ALPL: variants seen among roughly 807,000 people sequenced by gnomAD.
ALPL encodes the protein alkaline phosphatase, tissue-nonspecific isozyme.
Under a neutral mutation model 51.3 loss-of-function variants are expected in ALPL, and 42 were observed. The observed-to-expected ratio is 0.82, with a 90% confidence interval of 0.64 to 1.06. The LOEUF (loss-of-function observed/expected upper bound fraction) is 1.06, where lower values mean the gene tolerates loss of function less well. ALPL is among the 50% of genes least tolerant of loss of function. The pLI, the probability that ALPL is intolerant of heterozygous loss-of-function variation, is 0.00. For synonymous variants in ALPL, 279 were observed against 296.4 expected, an observed-to-expected ratio of 0.94 and a Z score of 0.60; for missense variants, 589 against 709.4, an observed-to-expected ratio of 0.83 and a Z score of 1.93.
At position 21,533,912 on chromosome 1, in the gene ALPL, A is replaced by T. The variant is rs1164929441; in HGVS notation, c.-104-20066A>T. Among the ~76,000 whole-genome samples the T allele has an allele frequency of 3.4e-5, 4 of 116,028 alleles. No individual in the cohort carries two copies. In the East Asian group the frequency reaches 1.3e-3, roughly 37 times the overall value. The allele number at this position is 116,028 out of a possible 152,430, so 76.1% of individuals were successfully genotyped here. ...CACTCTGGCCTGGGTGACAAGAGTAAAACTCTTGTCTCAAAAAAAAAAAAA... is the reference window on the plus strand; with the variant it reads ...CACTCTGGCCTGGGTGACAAGAGTATAACTCTTGTCTCAAAAAAAAAAAAA... On this transcript the variant is annotated intron_variant, in intron 1 of 11. Transcript: ENST00000374840.
Position 21,577,828 on chromosome 1 carries a change from C to A in ALPL, c.*180C>A. The A allele has an allele frequency of 1.2e-6, 1 of 822,760 alleles. No individual in the cohort carries two copies. The highest frequency in any genetic ancestry group is 1.9e-6 in the Non-Finnish European group (1 of 538,710). The allele number at this position is 822,760 out of a possible 1,614,324, so 51.0% of individuals were successfully genotyped here. A position where few individuals can be genotyped will look rare whatever the true frequency, so the allele number is the denominator to read the frequency against. ...CCCCTCTGGAATCTTCCCCAAGGGC[C>A]AAACCCACTTCTGGCCTCCAGCCTT... is the stretch of plus-strand genomic sequence containing the variant. On this transcript the variant is annotated 3_prime_UTR_variant, in exon 12 of 12. Transcript: ENST00000374840.
intron 2 of ALPL, among the ~76,000 whole-genome samples, chr1:21,559,364 T>G (rs1644454744): frequency 6.6e-6 from 1 of 152,110 alleles, no homozygotes; most frequent in Admixed American, 6.5e-5. Flanking sequence ...GGAGGCAACT[T>G]TTGAGCCTCT....
chr1:21,531,995 T>C (rs903256604), intron 1 of ALPL, among the ~76,000 whole-genome samples: 9 of 151,950 alleles, frequency 5.9e-5, no homozygotes, highest in African/African-American at 2.2e-4. Context: ...TGTTCTGTTG[T>C]TACTTGGGAT....
At chr1:21,514,215 C>T (rs916698953) in intron 1 of ALPL, among the ~76,000 whole-genome samples, 1 of 151,994 alleles carries the variant, frequency 6.6e-6, no homozygotes, top group Non-Finnish European at 1.5e-5. Flanking sequence ...GAGCATCTAC[C>T]TGTCAAGGCT....
intron 1 of ALPL, among the ~76,000 whole-genome samples, chr1:21,517,043 T>G (rs1643813817): frequency 6.6e-6 from 1 of 152,248 alleles, no homozygotes; most frequent in Non-Finnish European, 1.5e-5. Flanking sequence ...ACACGAGGCC[T>G]ATTTCATAAT....
chr1:21,527,524 T>C (rs1450604943), intron 1 of ALPL, among the ~76,000 whole-genome samples: 2 of 151,944 alleles, frequency 1.3e-5, no homozygotes. Context: ...GAGCCCTTGA[T>C]GCTGTAACTT....
At position 21,563,244 on chromosome 1, in the gene ALPL, G is replaced by A. The variant is rs775273192; in HGVS notation, c.432G>A (p.Gly144=). The A allele has an allele frequency of 6.2e-6, 10 of 1,613,736 alleles. No homozygotes were observed. Among genetic ancestry groups the A allele is most frequent in the Non-Finnish European group, 5.9e-6 (7 of 1,179,900 alleles). ...GTTCCCGGTGCAACACCACCCAGGG[G>A]AACGAGGTCACCTCCATCCTGCGCT... is the stretch of plus-strand genomic sequence containing the variant. The part of the protein sequence containing the change: ...TERSRCNTTQ[G]NEVTSILRWA... Residue 144 remains glycine, a synonymous_variant, in exon 5 of 12, where the codon GGG becomes GGA. Transcript: ENST00000374840.
At position 21,576,181 on chromosome 1, in the gene ALPL, T is replaced by C. The variant is rs1644728958; in HGVS notation, c.1189+257T>C. ...ATGGCTGGGCGAGAACGTGGATAGA[T>C]GAATGAGAGAGGATGGCTGGCTGGA... On this transcript the variant is annotated intron_variant, in intron 10 of 11. Coordinates refer to ENST00000374840, the MANE Select transcript of ALPL (RefSeq NM_000478.6). Among the ~76,000 whole-genome samples the C allele has an allele frequency of 2.0e-5, 3 of 148,086 alleles. No individual in the cohort carries two copies. The South Asian group carries it at 6.8e-4, about 34-fold the overall frequency.
In ALPL at chr1:21,560,738, G is replaced by A. The variant is rs757176737; in HGVS notation, c.174G>A (p.Leu58=). The change falls in exon 3 of 12, where the codon CTG becomes CTA. Residue 58 remains leucine (L), a synonymous_variant. Transcript: ENST00000374840. ...TNVAKNVIMF[L]GDGMGVSTVT... The stretch of plus-strand genomic sequence containing the variant: ...TGGCTAAGAATGTCATCATGTTCCT[G>A]GGAGATGGTGAGGCCCAGGGGCCTG... 1.2e-6 allele frequency: 2 copies of A among 1,614,152 alleles called. No individual in the cohort carries two copies. Among genetic ancestry groups the A allele is most frequent in the Non-Finnish European group, 1.7e-6 (2 of 1,180,030 alleles).
At chr1:21,541,725 G>T (rs1474920037) in intron 1 of ALPL, among the ~76,000 whole-genome samples, 1 of 152,194 alleles carries the variant, frequency 6.6e-6, no homozygotes, top group Non-Finnish European at 1.5e-5. Flanking sequence ...TAGGGAGAGG[G>T]CAGGGGGAGG....
At chr1:21,549,651 G>A (rs114495810) in intron 1 of ALPL, among the ~76,000 whole-genome samples, 4,328 of 151,890 alleles carry the variant, frequency 0.028, 115 homozygotes, top group Non-Finnish European at 0.038. Context: ...TTTTTGTAGA[G>A]AGAGTTTCAC....
chr1:21,526,570 CT>C (rs1395142257), intron 1 of ALPL, among the ~76,000 whole-genome samples: 1 of 152,016 alleles, frequency 6.6e-6, no homozygotes, highest in Non-Finnish European at 1.5e-5. Flanking sequence ...TTTTTAGGGA[CT>C]TTTTTTCATT....
chr1:21,549,104 G>A (rs370034471), intron 1 of ALPL, among the ~76,000 whole-genome samples: 2 of 152,138 alleles, frequency 1.3e-5, no homozygotes, highest in African/African-American at 2.4e-5. Context: ...TTTCTCCAGC[G>A]AGTATGATGG....
intron 1 of ALPL, among the ~76,000 whole-genome samples, chr1:21,523,093 A>C (rs1276249950): frequency 6.6e-6 from 1 of 152,104 alleles, no homozygotes; most frequent in African/African-American, 2.4e-5. Flanking sequence ...TGAGACCAGC[A>C]TGGCCAACAT....
intron 1 of ALPL, among the ~76,000 whole-genome samples, chr1:21,533,790 G>A (rs1421405994): frequency 1.3e-5 from 2 of 152,004 alleles, no homozygotes; most frequent in Non-Finnish European, 2.9e-5. Context: ...AGGTGTGGTC[G>A]TGGGCGCCTG....
Position 21,573,702 on chromosome 1 carries a change from C to A in ALPL, c.900C>A (p.Asn300Lys). The A allele has an allele frequency of 6.2e-7, 1 of 1,614,046 alleles. No individual in the cohort carries two copies. The highest frequency in any genetic ancestry group is 8.5e-7 in the Non-Finnish European group (1 of 1,179,998). ...FEPGDMQYEL[N>K]RNNVTDPSLS... ...CAGGGGACATGCAGTACGAGCTGAA[C>A]AGGAACAACGTGACGGACCCGTCAC... The change falls in exon 9 of 12, where the codon AAC (asparagine) becomes AAA (lysine). Residue 300 changes from asparagine (N) to lysine (K), a missense_variant. Transcript: ENST00000374840.
At chr1:21,562,526 G>A (rs537520192) in intron 4 of ALPL, among the ~76,000 whole-genome samples, 4 of 152,234 alleles carry the variant, frequency 2.6e-5, no homozygotes, top group Non-Finnish European at 4.4e-5. Flanking sequence ...TGCCTTCTGT[G>A]CCTTCAAGGT....
chr1:21,560,349 G>A (rs904478375), intron 2 of ALPL, among the ~76,000 whole-genome samples: 3 of 152,230 alleles, frequency 2.0e-5, no homozygotes, highest in Non-Finnish European at 4.4e-5. Context: ...GTGTCTGCCT[G>A]TGCTGTGTGG....
chr1:21,519,252 A>C (rs1185778647), intron 1 of ALPL, among the ~76,000 whole-genome samples: 1 of 152,228 alleles, frequency 6.6e-6, no homozygotes, highest in Non-Finnish European at 1.5e-5. Context: ...TCTGTGCCTC[A>C]TAAAAGGTTC....
Sources: allele counts gnomAD v4.1 joint callset (sites outside exome capture counted in the v4.1 genomes callset), GRCh38; gene constraint gnomAD v4.1.1; transcripts MANE v1.5; gene names NCBI Gene and HGNC (gene_info 2026-07-23, HGNC 2026-07-21).